Variants in CYB5R3 observed in about 807,000 individuals in gnomAD.
The protein encoded by CYB5R3 is NADH-cytochrome b5 reductase 3.
A neutral mutation model predicts 36.5 loss-of-function variants in CYB5R3; 28 were observed. That is an observed-to-expected ratio of 0.77 (90% CI 0.57 to 1.05). CYB5R3 has a LOEUF of 1.05. Ranked by LOEUF, CYB5R3 falls within the 50% of genes least tolerant of loss-of-function variation. The pLI is 0.00. For synonymous variants in CYB5R3, 181 were observed against 159.8 expected, an observed-to-expected ratio of 1.13 and a Z score of -1.00; for missense variants, 474 against 408.9, an observed-to-expected ratio of 1.16 and a Z score of -1.37.
intron 4 of CYB5R3, 101 bp downstream of exon 4, chr22:42,630,776 TGCACA>T: frequency 1.0e-6 from 1 of 977,590 alleles, no homozygotes; most frequent in Non-Finnish European, 1.6e-6. Flanking sequence ...GAGGCTGGGC[TGCACA>T]GGGCAGGAGC....
chr22:42,634,651 C>T (rs1928792207), intron 2 of CYB5R3, among the ~76,000 whole-genome samples: 3 of 138,478 alleles, frequency 2.2e-5, no homozygotes, highest in Non-Finnish European at 3.1e-5. Flanking sequence ...ATTGAGACAG[C>T]GTCTTGCTCT....
chr22:42,633,000 G>C (rs1928698941), intron 2 of CYB5R3: 1 of 152,354 alleles, frequency 6.6e-6, no homozygotes, highest in African/African-American at 2.4e-5. Context: ...ACTCCAGCCT[G>C]GGCAACAAGA....
intron 2 of CYB5R3, among the ~76,000 whole-genome samples, chr22:42,636,244 T>C (rs1928884855): frequency 6.6e-6 from 1 of 150,582 alleles, no homozygotes; most frequent in Non-Finnish European, 1.5e-5. Flanking sequence ...AACTCACTAA[T>C]GAAAGAAAGT....
chr22:42,647,622 G>A (rs1178586642), intron 1 of CYB5R3, among the ~76,000 whole-genome samples: 1 of 111,402 alleles, frequency 9.0e-6, no homozygotes, highest in East Asian at 3.1e-4. Context: ...GGGAGGCTGA[G>A]GCAGGAGAAT....
rs985077497 is a variant in CYB5R3 at position 42,619,828 on chromosome 22, C to T, written c.851G>A (p.Cys284Tyr). The T allele has an allele frequency of 6.2e-7, 1 of 1,602,856 alleles. No individual in the cohort carries two copies. The highest frequency in any genetic ancestry group is 2.2e-5 in the East Asian group (1 of 44,492). ...GCCCACGTGGTCCAGGTTGGGAAGG[C>T]AGGCGTACTGGATCATGGGTGGGGG... The part of the protein sequence containing the change: ...CGPPPMIQYA[C>Y]LPNLDHVGHP... The change falls in exon 9 of 9, where the codon TGC (cysteine) becomes TAC (tyrosine). Residue 284 changes from cysteine to tyrosine, a missense_variant. Transcript: ENST00000352397.
At chr22:42,645,746 G>A (rs1417078936) in intron 1 of CYB5R3, among the ~76,000 whole-genome samples, 1 of 152,178 alleles carries the variant, frequency 6.6e-6, no homozygotes, top group Non-Finnish European at 1.5e-5. Context: ...TGAGCCCGGG[G>A]ACACTTTCTG....
chr22:42,627,568 T>A (rs373947617), intron 6 of CYB5R3, 37 bp downstream of exon 6: 1 of 1,587,206 alleles, frequency 6.3e-7, no homozygotes, highest in Non-Finnish European at 8.7e-7. Context: ...ACCCTTAACA[T>A]GAGCCGCCGG....
chr22:42,640,006 C>G (rs774107546), intron 1 of CYB5R3: 1 of 1,612,970 alleles, frequency 6.2e-7, no homozygotes, highest in South Asian at 1.1e-5. Context: ...TGTGATCTCT[C>G]TGACATAAAA....
chr22:42,637,401 C>G (rs776001003), intron 1 of CYB5R3, among the ~76,000 whole-genome samples: 70 of 152,292 alleles, frequency 4.6e-4, no homozygotes, highest in Middle Eastern at 3.4e-3. Flanking sequence ...GATTGATGCT[C>G]TCCTCTTTGC....
At chr22:42,648,094 C>T (rs1341450468) in intron 1 of CYB5R3, among the ~76,000 whole-genome samples, 1 of 152,094 alleles carries the variant, frequency 6.6e-6, no homozygotes, top group Admixed American at 6.6e-5. Context: ...GGGGTGATGC[C>T]CACAGGTTCA....
chr22:42,646,553 A>T, intron 1 of CYB5R3: 1 of 699,206 alleles, frequency 1.4e-6, no homozygotes, highest in Non-Finnish European at 1.8e-6. Context: ...GAGAGCTGCC[A>T]GGGCCCCCGA....
intron 7 of CYB5R3, among the ~76,000 whole-genome samples, chr22:42,625,671 C>T (rs1428403585): frequency 6.6e-6 from 1 of 151,986 alleles, no homozygotes; most frequent in African/African-American, 2.4e-5. Context: ...AGGGGGCTCC[C>T]AGCTCAAAAC....
intron 2 of CYB5R3, among the ~76,000 whole-genome samples, chr22:42,633,720 T>C (rs903568363): frequency 4.6e-5 from 7 of 151,666 alleles, no homozygotes; most frequent in African/African-American, 1.5e-4. Flanking sequence ...GAAGTGGAGG[T>C]TGCGGTGAGT....
intron 7 of CYB5R3, among the ~76,000 whole-genome samples, chr22:42,624,215 A>G (rs1318124009): frequency 1.3e-5 from 2 of 152,232 alleles, no homozygotes; most frequent in Non-Finnish European, 2.9e-5. Context: ...CGCGACAGCA[A>G]AAAGGGAAGA....
chr22:42,622,590 T>C (rs1174886007), intron 8 of CYB5R3, among the ~76,000 whole-genome samples: 1 of 152,144 alleles, frequency 6.6e-6, no homozygotes, highest in East Asian at 1.9e-4. Context: ...GCTGGTCATC[T>C]GAGAAGGGCG....
At chr22:42,620,744 G>A (rs1470862946) in intron 8 of CYB5R3, among the ~76,000 whole-genome samples, 6 of 152,188 alleles carry the variant, frequency 3.9e-5, no homozygotes, top group Admixed American at 3.3e-4. Context: ...CCTGGAACCA[G>A]GAAGAGTCTA....
intron 8 of CYB5R3, 83 bp downstream of exon 8, chr22:42,623,706 G>T: frequency 8.3e-7 from 1 of 1,197,720 alleles, no homozygotes; most frequent in Admixed American, 1.7e-5. Context: ...TCGTCCAAAG[G>T]CTCAACGCCA....
At chr22:42,629,083 C>T (rs1469121914) in intron 4 of CYB5R3, among the ~76,000 whole-genome samples, 1 of 152,142 alleles carries the variant, frequency 6.6e-6, no homozygotes, top group Non-Finnish European at 1.5e-5. Flanking sequence ...GAGGCCTGGT[C>T]ACCTGTGAGT....
chr22:42,641,559 C>T (rs1929274363), intron 1 of CYB5R3, among the ~76,000 whole-genome samples: 1 of 152,268 alleles, frequency 6.6e-6, no homozygotes, highest in South Asian at 2.1e-4. Context: ...GATCTCAACT[C>T]ACAGCAACCT....
Sources: gnomAD v4.1 joint callset for allele counts (sites outside exome capture counted in the v4.1 genomes callset) on GRCh38, gnomAD v4.1.1 for gene constraint, MANE v1.5 for transcripts, NCBI Gene and HGNC (gene_info 2026-07-23, HGNC 2026-07-21) for gene names.